The following COMMD5 variants were observed in gnomAD, a reference collection of about 807,000 sequenced individuals.
COMMD5 encodes the protein COMM domain containing 5, also known as COMM domain-containing protein 5.
Under a neutral mutation model 6.9 loss-of-function variants are expected in COMMD5, and 10 were observed. That is an observed-to-expected ratio of 1.44 (90% confidence interval 0.89 to 2.45). COMMD5 has a LOEUF of 2.45. COMMD5 is among the 30% of genes most tolerant of loss of function. The probability of loss-of-function intolerance (pLI) is 0.00; values close to 1 mark genes in which losing one functional copy is unlikely to be tolerated. For missense variants in COMMD5, 234 were observed against 287.8 expected (o/e 0.81, Z 1.35); for synonymous variants, 127 against 125.3 (o/e 1.01, Z -0.09).
chr8:144,848,235 G>A (rs150261523), downstream of COMMD5, among the ~76,000 whole-genome samples: 73 of 152,090 alleles, frequency 4.8e-4, 1 homozygote, highest in African/African-American at 1.8e-3. Context: ...GAGCCCAGGA[G>A]GTTGAGGCTA....
At position 144,844,377 on chromosome 8, in the gene COMMD5, G is replaced by T. The variant is rs961351833; in HGVS notation, c.*117-2634C>A. On this transcript the variant is annotated intron_variant and NMD_transcript_variant, in intron 1 of 1. Coordinates refer to the COMMD5 transcript ENST00000530332. ...TAGTTGCCCCACTTTTTTTTGGTAGGGGGGAACGCGGTGAGGAGGAAATAA... is the reference window on the plus strand; with the variant it reads ...TAGTTGCCCCACTTTTTTTTGGTAGTGGGGAACGCGGTGAGGAGGAAATAA... 4.6e-5 allele frequency among the ~76,000 whole-genome samples: 7 copies of T among 152,120 alleles called. No individual in the cohort carries two copies. In the East Asian group the frequency reaches 9.6e-4, roughly 21 times the overall value.
intron 1 of COMMD5, among the ~76,000 whole-genome samples, chr8:144,844,724 A>C (rs1465488115): frequency 3.3e-5 from 2 of 60,824 alleles, no homozygotes; most frequent in Non-Finnish European, 7.3e-5. Flanking sequence ...AAAAAAAAAA[A>C]AAAAAAAAAA....
chr8:144,851,585 C>T (rs1830748566), intron 1 of COMMD5, among the ~76,000 whole-genome samples, 190 bp from the exon 2 acceptor site: 1 of 151,714 alleles, frequency 6.6e-6, no homozygotes, highest in Non-Finnish European at 1.5e-5. Flanking sequence ...CGGAGGCCTC[C>T]CAGAGGAAGT....
downstream of COMMD5, among the ~76,000 whole-genome samples, chr8:144,845,582 T>C (rs776649566): frequency 6.6e-6 from 1 of 152,168 alleles, no homozygotes; most frequent in Non-Finnish European, 1.5e-5. Flanking sequence ...TGGGACCTTG[T>C]CCATTTGATT....
downstream of COMMD5, among the ~76,000 whole-genome samples, chr8:144,840,800 G>A (rs910097238): frequency 6.6e-6 from 1 of 152,124 alleles, no homozygotes; most frequent in Non-Finnish European, 1.5e-5. Context: ...GGCAGCTGAG[G>A]GGGCTGGGTC....
chr8:144,841,163 C>G, exon 2 of COMMD5: 2 of 622,962 alleles, frequency 3.2e-6, no homozygotes, highest in Non-Finnish European at 5.6e-6. Context: ...AATGAGTGAA[C>G]AAGGTAAAAA....
At chr8:144,840,483 G>C (rs575537899), downstream of COMMD5, among the ~76,000 whole-genome samples, 3 of 152,182 alleles carry the variant, frequency 2.0e-5, no homozygotes, top group Non-Finnish European at 4.4e-5. Flanking sequence ...TGATTGTGTC[G>C]TGGTGGGGAC....
chr8:144,841,564 T>G, exon 2 of COMMD5: 1 of 1,614,056 alleles, frequency 6.2e-7, no homozygotes, highest in South Asian at 1.1e-5. Flanking sequence ...AAATAACTGT[T>G]TGAATGAGGA....
At chr8:144,842,517 A>G in intron 1 of COMMD5, 1 of 1,614,100 alleles carries the variant, frequency 6.2e-7, no homozygotes, top group South Asian at 1.1e-5. Flanking sequence ...AACCATTTAA[A>G]TGTGATGAGT....
chr8:144,846,299 A>G (rs1830508676), downstream of COMMD5: 2 of 1,039,966 alleles, frequency 1.9e-6, no homozygotes, highest in Non-Finnish European at 2.7e-6. Flanking sequence ...CTGGATTGAC[A>G]TGGTCCTAAG....
chr8:144,851,299 G>A lies in COMMD5; in HGVS notation c.40C>T (p.Pro14Ser). 6 of 1,613,798 alleles carry A rather than the reference G, an allele frequency of 3.7e-6. No homozygotes were observed. Among genetic ancestry groups the A allele is most frequent in the South Asian group, 1.1e-5 (1 of 91,072 alleles). Residue 14 changes from proline to serine, a missense_variant, in exon 2 of 2, where the codon CCT becomes TCT. Physicochemically the swap from Pro to Ser is moderately conservative, Grantham distance 74. Transcript: ENST00000305103. ...ACTCGGCCACTGTGACTATCACCAG[G>A]ATGATGCAGGTATGGAGTTGCAGCC... is the stretch of plus-strand genomic sequence containing the variant. Reference protein sequence around the residue: ...VGAATPYLHHPGDSHSGRVSF... With the variant: ...VGAATPYLHHSGDSHSGRVSF...
At chr8:144,840,878 C>T (rs1209433858), downstream of COMMD5, among the ~76,000 whole-genome samples, 1 of 152,196 alleles carries the variant, frequency 6.6e-6, no homozygotes, top group Non-Finnish European at 1.5e-5. Flanking sequence ...CTTCTGAGCT[C>T]ACGTAGTAAG....
downstream of COMMD5, chr8:144,838,574 G>A (rs1829369199): frequency 6.0e-6 from 1 of 165,512 alleles, no homozygotes. Flanking sequence ...CAGCAGGGCA[G>A]GACCAGGTCC....
chr8:144,842,066 G>T, intron 1 of COMMD5: 1 of 1,614,038 alleles, frequency 6.2e-7, no homozygotes. Context: ...CAGAGCTCAA[G>T]CCTCATCCAC....
chr8:144,849,942 C>T (rs1302415550), downstream of COMMD5, among the ~76,000 whole-genome samples: 2 of 152,140 alleles, frequency 1.3e-5, no homozygotes, highest in African/African-American at 2.4e-5. Flanking sequence ...CGTCGCCTCC[C>T]CACAATGATC....
Position 144,842,852 on chromosome 8 carries a change from A to C in COMMD5, c.*117-1109T>G, listed in dbSNP as rs147804984. The C allele has an allele frequency of 5.6e-6, 9 of 1,614,050 alleles. No individual in the cohort carries two copies. In the African/African-American group the frequency reaches 8.0e-5, roughly 14 times the overall value. ...ATTCATGCAGGGGTGAAGCCCTATG[A>C]GTGCAGTGAGTGTGGAAAAGCCTTC... is the stretch of plus-strand genomic sequence containing the variant. On this transcript the variant is annotated intron_variant and NMD_transcript_variant, in intron 1 of 1. Coordinates refer to the COMMD5 transcript ENST00000530332.
intron 1 of COMMD5, chr8:144,842,201 A>G: frequency 6.2e-7 from 1 of 1,614,070 alleles, no homozygotes; most frequent in African/African-American, 1.3e-5. Flanking sequence ...TACCCTTGCA[A>G]GGAGTGTGGG....
chr8:144,839,621 G>T (rs1373089457), downstream of COMMD5, among the ~76,000 whole-genome samples: 1 of 152,274 alleles, frequency 6.6e-6, no homozygotes, highest in East Asian at 1.9e-4. Flanking sequence ...GGTGAGAGCT[G>T]CTGTTGATGG....
chr8:144,851,360 C>G lies in COMMD5; in HGVS notation c.-22G>C. ...ACATTGCTGCTGCTTCCTCTTTGAT[C>G]AGCCAGCCCAGGAGGTCGGTCCCAG... On this transcript the variant is annotated 5_prime_UTR_variant, in exon 2 of 2. It removes the in-frame stop codon of an upstream open reading frame in the 5' UTR. Transcript: ENST00000305103. The G allele has an allele frequency of 6.3e-7, 1 of 1,586,158 alleles. No individual in the cohort carries two copies. The highest frequency in any genetic ancestry group is 2.2e-5 in the East Asian group (1 of 44,496).
Sources: gnomAD v4.1 joint callset for allele counts (sites outside exome capture counted in the v4.1 genomes callset) on GRCh38, gnomAD v4.1.1 for gene constraint, MANE v1.5 for transcripts, NCBI Gene and HGNC (gene_info 2026-07-23, HGNC 2026-07-21) for gene names.